ZNF618: variants seen among roughly 807,000 people sequenced by gnomAD.
ZNF618 encodes zinc finger protein 618.
Under a neutral mutation model 103.0 loss-of-function variants are expected in ZNF618, and 34 were observed. That is an observed-to-expected ratio of 0.33 (90% CI 0.25 to 0.44). The LOEUF (loss-of-function observed/expected upper bound fraction) is 0.44. ZNF618 is among the 20% of genes least tolerant of loss of function. ZNF618 has a pLI of 1.00. For missense variants in ZNF618, 1,059 were observed against 1,295.4 expected (o/e 0.82, Z 2.80); for synonymous variants, 551 against 542.2 (o/e 1.02, Z -0.23).
chr9:113,924,348 A>G (rs371436918), intron 1 of ZNF618, among the ~76,000 whole-genome samples: 2 of 151,496 alleles, frequency 1.3e-5, no homozygotes, highest in Non-Finnish European at 2.9e-5. Context: ...TTTAATGTCC[A>G]TGAGATCAGT....
At chr9:113,924,421 C>CTTG (rs1832899465) in intron 1 of ZNF618, among the ~76,000 whole-genome samples, 1 of 71,074 alleles carries the variant, frequency 1.4e-5, no homozygotes, top group African/African-American at 4.6e-5. Context: ...TCTTCTTCTT[C>CTTG]TTCTTTTTTT....
intron 3 of ZNF618, among the ~76,000 whole-genome samples, chr9:113,992,963 G>C (rs2133400135): frequency 6.6e-6 from 1 of 152,350 alleles, no homozygotes; most frequent in African/African-American, 2.4e-5. Context: ...ACTGCCATTG[G>C]AGCTGGTGCA....
At chr9:113,988,018 A>T (rs558006091) in intron 2 of ZNF618, among the ~76,000 whole-genome samples, 1 of 152,206 alleles carries the variant, frequency 6.6e-6, no homozygotes, top group Admixed American at 6.5e-5. Flanking sequence ...CAAACAAATA[A>T]GTGGCAAGTG....
chr9:113,945,492 G>A (rs143643191), intron 1 of ZNF618, among the ~76,000 whole-genome samples: 5 of 152,332 alleles, frequency 3.3e-5, no homozygotes, highest in Non-Finnish European at 4.4e-5. Flanking sequence ...TTGTTCACTC[G>A]TTTTGTCCAT....
chr9:113,886,001 T>C (rs1432856585), intron 1 of ZNF618, among the ~76,000 whole-genome samples: 1 of 152,170 alleles, frequency 6.6e-6, no homozygotes, highest in Non-Finnish European at 1.5e-5. Context: ...TCTAGTGAAG[T>C]GAGCCCTTTG....
At chr9:113,969,399 C>T (rs764961771) in intron 2 of ZNF618, among the ~76,000 whole-genome samples, 7 of 152,222 alleles carry the variant, frequency 4.6e-5, no homozygotes, top group Non-Finnish European at 1.0e-4. Context: ...CCATTGGCCA[C>T]TCAAGTTGAG....
chr9:113,951,515 G>GCACA (rs1564207704), intron 1 of ZNF618, among the ~76,000 whole-genome samples: 2 of 36,770 alleles, frequency 5.4e-5, no homozygotes, highest in South Asian at 8.9e-4. Flanking sequence ...ATATATGTGT[G>GCACA]TATATGTACA....
chr9:114,004,604 CTTCCTCCCTGTGGAGT>C (rs1347383917), intron 6 of ZNF618, among the ~76,000 whole-genome samples: 1 of 152,190 alleles, frequency 6.6e-6, no homozygotes, highest in Non-Finnish European at 1.5e-5. Flanking sequence ...TCACTTTTCC[CTTCCTCCCTGTGGAGT>C]TTCCTCCCTG....
At chr9:113,914,613 T>G (rs750579141) in intron 1 of ZNF618, among the ~76,000 whole-genome samples, 4 of 152,210 alleles carry the variant, frequency 2.6e-5, no homozygotes, top group African/African-American at 4.8e-5. Flanking sequence ...CTCTAAGGTG[T>G]GTAAGGAATC....
At chr9:113,877,244 G>C (rs1388539854) in intron 1 of ZNF618, among the ~76,000 whole-genome samples, 1 of 151,990 alleles carries the variant, frequency 6.6e-6, no homozygotes, top group Admixed American at 6.5e-5. Context: ...TAAAAGCAAA[G>C]TCAGTTTGGG....
At chr9:113,914,547 T>C (rs1002634161) in intron 1 of ZNF618, among the ~76,000 whole-genome samples, 4 of 152,226 alleles carry the variant, frequency 2.6e-5, no homozygotes, top group Admixed American at 2.6e-4. Context: ...CAGTTGACCT[T>C]TCCAAAAGAT....
At chr9:113,934,137 G>T (rs1833841790) in intron 1 of ZNF618, among the ~76,000 whole-genome samples, 1 of 152,172 alleles carries the variant, frequency 6.6e-6, no homozygotes, top group Non-Finnish European at 1.5e-5. Context: ...AGTAATGGCG[G>T]CAGGAAAGTC....
rs371380954 is a variant in ZNF618, at chr9:114,008,559, G to A, written c.754+5G>A. 4 of 1,613,704 alleles carry A rather than the reference G, an allele frequency of 2.5e-6. No homozygotes were observed. In the African/African-American group the frequency reaches 5.3e-5, roughly 22 times the overall value. ...CATTCCAGAAAATCGGGCCAAGTAT[G>A]CGGGATTCCCTCTGGGGCCAAGGGC... On this transcript the variant is annotated splice_donor_5th_base_variant and intron_variant, in intron 9 of 14. Transcript: ENST00000374126.
At position 113,988,375 on chromosome 9, in the gene ZNF618, G is replaced by T; in HGVS notation, c.132G>T (p.Val44=). ...CCAAGGTGGAGGGCCCAGAGCCAGT[G>T]CCAGCCGAGGCCTCGCTGAGTGCCG... ...KSTKVEGPEP[V]PAEASLSAEQ... Residue 44 remains valine, a synonymous_variant, in exon 3 of 15, where the codon GTG becomes GTT. Coordinates refer to ENST00000374126, the MANE Select transcript of ZNF618 (RefSeq NM_001318042.2). 6.2e-7 allele frequency: 1 copy of T among 1,613,466 alleles called. No individual in the cohort carries two copies.
intron 1 of ZNF618, among the ~76,000 whole-genome samples, chr9:113,939,861 G>A (rs910297062): frequency 2.0e-5 from 3 of 151,966 alleles, no homozygotes; most frequent in Non-Finnish European, 4.4e-5. Flanking sequence ...TTCTTAGGCA[G>A]ACACATGGTA....
chr9:113,891,995 A>G (rs1365498043), intron 1 of ZNF618, among the ~76,000 whole-genome samples: 2 of 152,232 alleles, frequency 1.3e-5, no homozygotes, highest in Non-Finnish European at 2.9e-5. Flanking sequence ...ATGCTGTGTG[A>G]TCCCACTCAT....
intron 1 of ZNF618, among the ~76,000 whole-genome samples, chr9:113,965,058 A>C (rs1837261079): frequency 6.6e-6 from 1 of 150,840 alleles, no homozygotes; most frequent in Non-Finnish European, 1.5e-5. Flanking sequence ...ACTCTCTAGA[A>C]TTTTTAATTT....
intron 1 of ZNF618, among the ~76,000 whole-genome samples, chr9:113,965,694 G>T (rs1837332482): frequency 1.3e-5 from 2 of 152,178 alleles, no homozygotes; most frequent in Non-Finnish European, 2.9e-5. Flanking sequence ...AATCTCAGGT[G>T]CAGAGAAAGG....
At chr9:113,999,412 C>A (rs985144971) in intron 4 of ZNF618, among the ~76,000 whole-genome samples, 23 of 152,142 alleles carry the variant, frequency 1.5e-4, no homozygotes, top group African/African-American at 5.6e-4. Context: ...GAGGGGCAGG[C>A]TCAGGGTCCC....
Sources: gnomAD v4.1 joint callset for allele counts (sites outside exome capture counted in the v4.1 genomes callset) on GRCh38, gnomAD v4.1.1 for gene constraint, MANE v1.5 for transcripts, NCBI Gene and HGNC (gene_info 2026-07-23, HGNC 2026-07-21) for gene names.